The following PRRC2C variants were observed in gnomAD, a reference collection of about 807,000 sequenced individuals.
PRRC2C encodes proline rich coiled-coil 2C, also known as protein PRRC2C.
A neutral mutation model predicts 317.2 loss-of-function variants in PRRC2C; 72 were observed. The observed-to-expected ratio is 0.23, with a 90% confidence interval of 0.19 to 0.28. PRRC2C has a LOEUF of 0.28. PRRC2C is among the 10% of genes least tolerant of loss of function. The pLI, the probability that PRRC2C is intolerant of heterozygous loss-of-function variation, is 1.00. For synonymous variants in PRRC2C, 1,296 were observed against 1,205.9 expected, an observed-to-expected ratio of 1.07 and a Z score of -1.55; for missense variants, 3,074 against 3,459.7, an observed-to-expected ratio of 0.89 and a Z score of 2.80.
At chr1:171,517,122 A>G (rs1290578785) in intron 5 of PRRC2C, among the ~76,000 whole-genome samples, 1 of 152,220 alleles carries the variant, frequency 6.6e-6, no homozygotes, top group African/African-American at 2.4e-5. Context: ...TAATTACACC[A>G]GATAATTTCA....
intron 30 of PRRC2C, among the ~76,000 whole-genome samples, chr1:171,584,781 T>C (rs920521826): frequency 1.2e-4 from 18 of 152,000 alleles, no homozygotes; most frequent in African/African-American, 4.1e-4. Flanking sequence ...TTTTTGTTGG[T>C]TTAGGGGGTT....
intron 6 of PRRC2C, among the ~76,000 whole-genome samples, chr1:171,520,119 C>T (rs1047546505): frequency 2.0e-5 from 3 of 152,146 alleles, no homozygotes; most frequent in African/African-American, 7.2e-5. Context: ...CACGCCATCA[C>T]GCCCAGCTAA....
intron 4 of PRRC2C, among the ~76,000 whole-genome samples, chr1:171,514,934 A>G (rs886965383): frequency 2.0e-5 from 3 of 152,250 alleles, no homozygotes; most frequent in Admixed American, 1.3e-4. Context: ...TTGTACCTTC[A>G]AAGTATCCAG....
At chr1:171,520,914 T>C (rs1673429766) in intron 6 of PRRC2C, among the ~76,000 whole-genome samples, 2 of 151,748 alleles carry the variant, frequency 1.3e-5, no homozygotes, top group Non-Finnish European at 2.9e-5. Flanking sequence ...AAGTGATTGT[T>C]GTGTCTCAGC....
chr1:171,538,792 G>A (rs1308649462), intron 15 of PRRC2C, among the ~76,000 whole-genome samples: 1 of 151,832 alleles, frequency 6.6e-6, no homozygotes, highest in Non-Finnish European at 1.5e-5. Context: ...GCTCACTGCA[G>A]CCTTGACCTC....
chr1:171,589,896 T>A (rs1021717156), intron 34 of PRRC2C, among the ~76,000 whole-genome samples: 2 of 151,884 alleles, frequency 1.3e-5, no homozygotes, highest in Non-Finnish European at 2.9e-5. Context: ...AAATAAATAT[T>A]TGAGGGAGAT....
At chr1:171,549,989 GTT>G (rs11358319) in intron 17 of PRRC2C, 95 bp from the exon 18 acceptor site, 34,883 of 711,448 alleles carry the variant, frequency 0.049, 2 homozygotes, top group Middle Eastern at 0.061. Context: ...CCTTTGGCTA[GTT>G]TTTTTTTTTT....
At chr1:171,522,313 C>A in intron 7 of PRRC2C, 54 bp downstream of exon 7, 1 of 1,275,198 alleles carries the variant, frequency 7.8e-7, no homozygotes, top group Non-Finnish European at 1.1e-6. Flanking sequence ...GTTAAGATTT[C>A]CTGAAGGTTG....
intron 5 of PRRC2C, among the ~76,000 whole-genome samples, chr1:171,516,853 C>T (rs1404209276): frequency 6.6e-6 from 1 of 152,140 alleles, no homozygotes; most frequent in Non-Finnish European, 1.5e-5. Context: ...GACATGGCTT[C>T]TGCAGAATAA....
chr1:171,564,495 G>A (rs1683266258), intron 20 of PRRC2C, among the ~76,000 whole-genome samples: 1 of 152,134 alleles, frequency 6.6e-6, no homozygotes, highest in African/African-American at 2.4e-5. Context: ...TTAACTGACT[G>A]TAGAATTTCA....
At chr1:171,559,504 A>ATT (rs1682145952) in intron 19 of PRRC2C, among the ~76,000 whole-genome samples, 1 of 21,580 alleles carries the variant, frequency 4.6e-5, no homozygotes, top group African/African-American at 1.5e-4. Flanking sequence ...TGGCATACCA[A>ATT]GTTTGTTTTT....
At chr1:171,567,994 C>T (rs1355877444) in intron 22 of PRRC2C, among the ~76,000 whole-genome samples, 1 of 152,158 alleles carries the variant, frequency 6.6e-6, no homozygotes, top group Admixed American at 6.5e-5. Context: ...CGAGACCAGC[C>T]TGGCCAACAT....
chr1:171,558,243 C>A, intron 19 of PRRC2C, 100 bp downstream of exon 19: 1 of 1,344,070 alleles, frequency 7.4e-7, no homozygotes, highest in Non-Finnish European at 9.8e-7. Context: ...TTCTAGCCAT[C>A]TCATTTTTTA....
rs1259597437 is a variant in PRRC2C, at chr1:171,545,543, C to T, written c.4828C>T (p.His1610Tyr). 6.3e-7 allele frequency: 1 copy of T among 1,598,158 alleles called. No individual in the cohort carries two copies. Among genetic ancestry groups the T allele is most frequent in the South Asian group, 1.1e-5 (1 of 88,448 alleles). ...CCTCATCAATGGCAGCTCTGCACAC[C>T]ATCAGGAAGGAGTACCTAATGGTAC... ...VDLINGSSAH[H>Y]QEGVPNGTGQ... Residue 1610 changes from histidine to tyrosine, a missense_variant, in exon 17 of 35, where the codon CAT becomes TAT. His to Tyr is a moderately conservative substitution (Grantham distance 83, BLOSUM62 2). This residue lies in a region of PRRC2C where 178 missense variants were observed against 163.0 expected (regional missense o/e 1.09). Coordinates refer to ENST00000647382, the MANE Select transcript of PRRC2C (RefSeq NM_001387844.1).
intron 10 of PRRC2C, among the ~76,000 whole-genome samples, chr1:171,525,705 T>G (rs1347420739): frequency 6.6e-6 from 1 of 152,180 alleles, no homozygotes; most frequent in East Asian, 1.9e-4. Context: ...ATAAATTCTT[T>G]GAGCATTCAT....
intron 11 of PRRC2C, among the ~76,000 whole-genome samples, chr1:171,530,124 G>C (rs993097887): frequency 1.3e-5 from 2 of 151,640 alleles, no homozygotes; most frequent in African/African-American, 4.8e-5. Context: ...CCTTGGCCAC[G>C]AATTAGAAAG....
In PRRC2C at chr1:171,557,894, C is replaced by T; in HGVS notation, c.5782C>T (p.Pro1928Ser). Residue 1928 changes from proline to serine, a missense_variant, in exon 19 of 35, where the codon CCA becomes TCA. This residue lies in a region of PRRC2C where 640 missense variants were observed against 676.1 expected (regional missense o/e 0.95). Transcript: ENST00000647382. Reference protein sequence around the residue: ...PTPVSAPNPAPPAPAQTQAQT... With the variant: ...PTPVSAPNPASPAPAQTQAQT... ...CCCAGTCTCAGCCCCAAATCCTGCC[C>T]CACCTGCCCCAGCCCAGACTCAGGC... 2 of 1,550,748 alleles carry T rather than the reference C, an allele frequency of 1.3e-6. No individual in the cohort carries two copies. The highest frequency in any genetic ancestry group is 2.4e-5 in the East Asian group (1 of 40,938).
chr1:171,538,614 T>C (rs1341873670), intron 15 of PRRC2C, among the ~76,000 whole-genome samples: 1 of 152,270 alleles, frequency 6.6e-6, no homozygotes, highest in African/African-American at 2.4e-5. Context: ...TCTTTCATTC[T>C]AGGTGGAAAT....
chr1:171,553,563 G>A (rs1428092674), intron 18 of PRRC2C, among the ~76,000 whole-genome samples: 6 of 152,072 alleles, frequency 3.9e-5, no homozygotes, highest in Non-Finnish European at 7.4e-5. Flanking sequence ...TGATGTTAGG[G>A]TATCAATTTC....
Sources: gnomAD v4.1 joint callset for allele counts (sites outside exome capture counted in the v4.1 genomes callset) on GRCh38, gnomAD v4.1.1 for gene constraint, gnomAD v4.1.1 regional missense constraint, MANE v1.5 for transcripts, NCBI Gene and HGNC (gene_info 2026-07-23, HGNC 2026-07-21) for gene names.